ANKFY1: variants seen among roughly 807,000 people sequenced by gnomAD.
The protein encoded by ANKFY1 is ankyrin repeat and FYVE domain containing 1, also known as ankyrin repeat and FYVE domain-containing protein 1.
Under a neutral mutation model 128.3 loss-of-function variants are expected in ANKFY1, and 47 were observed. That is an observed-to-expected ratio of 0.37 (90% CI 0.29 to 0.47). The LOEUF is 0.47. ANKFY1 is among the 20% of genes least tolerant of loss of function. The probability of loss-of-function intolerance (pLI) is 1.00; values close to 1 mark genes in which losing one functional copy is unlikely to be tolerated. For missense variants in ANKFY1, 1,222 were observed against 1,510.6 expected (o/e 0.81, Z 3.17); for synonymous variants, 553 against 601.6 (o/e 0.92, Z 1.18).
chr17:4,182,244 C>A lies in ANKFY1; in HGVS notation c.2058G>T (p.Glu686Asp). Residue 686 changes from glutamate to aspartate, a missense_variant, in exon 15 of 25, where the codon GAG (glutamate) becomes GAT (aspartate). Transcript: ENST00000341657. The part of the protein sequence containing the change: ...TRGADMSVPD[E>D]KGNPPLWLAL... ...CAAGCCACAGCGGGGGGTTCCCCTT[C>A]TCATCTGGCACAGACATGTCAGCTC... The A allele has an allele frequency of 6.3e-7, 1 of 1,586,948 alleles. No homozygotes were observed. The highest frequency in any genetic ancestry group is 8.6e-7 in the Non-Finnish European group (1 of 1,164,810).
intron 15 of ANKFY1, 142 bp downstream of exon 15, chr17:4,182,039 A>T: frequency 1.1e-6 from 1 of 880,730 alleles, no homozygotes; most frequent in Non-Finnish European, 1.6e-6. Context: ...AAGTTTCTTT[A>T]ACATGCTTTC....
chr17:4,173,764 A>G (rs2059365381), intron 20 of ANKFY1, 145 bp downstream of exon 20: 1 of 1,148,720 alleles, frequency 8.7e-7, no homozygotes, highest in Non-Finnish European at 1.2e-6. Context: ...CGCAGGTTGG[A>G]TGCTCTACCC....
chr17:4,180,760 C>CAAA (rs11392631), intron 16 of ANKFY1, among the ~76,000 whole-genome samples: 80 of 57,890 alleles, frequency 1.4e-3, no homozygotes, highest in Non-Finnish European at 1.5e-3. Flanking sequence ...GACTCTGTCT[C>CAAA]AAAAAAAAAA....
chr17:4,206,975 C>G (rs549154996), intron 6 of ANKFY1, among the ~76,000 whole-genome samples: 1 of 152,170 alleles, frequency 6.6e-6, no homozygotes, highest in East Asian at 1.9e-4. Context: ...AATTATCACC[C>G]CCCCCAAAGA....
In ANKFY1 at chr17:4,169,961, G is replaced by A. The variant is rs765034902; in HGVS notation, c.3287-673C>T. Reference sequence around the variant, plus strand: ...TGGGGACGGAGCAGCACGTGAGTCCGTCAGTTCCTTCTGAGTAATGGGATG... The same window carrying A: ...TGGGGACGGAGCAGCACGTGAGTCCATCAGTTCCTTCTGAGTAATGGGATG... On this transcript the variant is annotated intron_variant, in intron 23 of 24. Transcript: ENST00000341657. This position sits in a 1 kb window ranked among gnomAD's most constrained non-coding sequence, Gnocchi z 5.0. Among the ~76,000 whole-genome samples, 40 of 152,210 alleles carry A rather than the reference G, an allele frequency of 2.6e-4. No homozygotes were observed. The highest frequency in any genetic ancestry group is 5.9e-4 in the Admixed American group (9 of 15,284).
At chr17:4,184,197 C>T (rs936599621) in intron 12 of ANKFY1, among the ~76,000 whole-genome samples, 3 of 152,162 alleles carry the variant, frequency 2.0e-5, no homozygotes, top group Non-Finnish European at 4.4e-5. Context: ...ACTAAAACAA[C>T]GCCCTGATGA....
intron 8 of ANKFY1, 152 bp from the exon 9 acceptor site, chr17:4,195,623 C>A (rs2059804256): frequency 2.9e-6 from 2 of 688,028 alleles, no homozygotes; most frequent in Admixed American, 4.7e-5. Flanking sequence ...AGTATCAAAA[C>A]CTGAAAACGG....
intron 24 of ANKFY1, chr17:4,168,133 G>GTTT: frequency 5.7e-6 from 2 of 348,594 alleles, no homozygotes; most frequent in East Asian, 4.6e-5. Context: ...ACTGAAGAAG[G>GTTT]CTTTTTTTTT....
intron 10 of ANKFY1, among the ~76,000 whole-genome samples, chr17:4,192,541 C>G (rs905495464): frequency 2.2e-4 from 34 of 151,374 alleles, no homozygotes; most frequent in African/African-American, 8.0e-4. Flanking sequence ...GATGGTTGCT[C>G]TAATCTGGAG....
chr17:4,208,010 C>T lies in ANKFY1; in HGVS notation c.655G>A (p.Glu219Lys), dbSNP rs1389706863. 1 of 1,611,692 alleles carries T rather than the reference C, an allele frequency of 6.2e-7. No individual in the cohort carries two copies. The highest frequency in any genetic ancestry group is 1.7e-5 in the Admixed American group (1 of 59,610). The change falls in exon 6 of 25, where the codon GAG becomes AAG. Residue 219 changes from glutamate (E) to lysine (K), a missense_variant. Glu to Lys is a moderately conservative substitution (Grantham distance 56). Transcript: ENST00000341657. ...LLYKMIKSKT[E>K]YPLHKAIKVE... ...TTGATGGCTTTATGTAGCGGGTACT[C>T]TGTCTTGGATTTGATCATTTTGTAT...
chr17:4,196,936 A>G (rs1482528058), intron 8 of ANKFY1, among the ~76,000 whole-genome samples: 1 of 152,188 alleles, frequency 6.6e-6, no homozygotes, highest in African/African-American at 2.4e-5. Flanking sequence ...CCTGGACAAC[A>G]TGGCAAAACC....
intron 10 of ANKFY1, among the ~76,000 whole-genome samples, chr17:4,190,044 T>C (rs2143007759): frequency 6.6e-6 from 1 of 152,300 alleles, no homozygotes; most frequent in East Asian, 1.9e-4. Context: ...TCAACAGTGG[T>C]GCTACGGACA....
At chr17:4,246,805 T>C (rs1967566040) in intron 1 of ANKFY1, among the ~76,000 whole-genome samples, 1 of 152,218 alleles carries the variant, frequency 6.6e-6, no homozygotes, top group African/African-American at 2.4e-5. Flanking sequence ...GAGGTGCCTC[T>C]TTTAAGAGTT....
chr17:4,222,007 T>C (rs1454878540), intron 3 of ANKFY1: 1 of 152,148 alleles, frequency 6.6e-6, no homozygotes, highest in Non-Finnish European at 1.5e-5. Context: ...GCTCTGGAGG[T>C]CTGAAGCCGC....
chr17:4,170,350 C>A (rs2059293704), intron 23 of ANKFY1, among the ~76,000 whole-genome samples: 1 of 152,136 alleles, frequency 6.6e-6, no homozygotes, highest in Non-Finnish European at 1.5e-5. Context: ...CTGATAGGGG[C>A]TGGAGCAGCA....
At position 4,178,854 on chromosome 17, in the gene ANKFY1, C is replaced by T. The variant is rs765022669; in HGVS notation, c.2598+3G>A. On this transcript the variant is annotated splice_donor_region_variant and intron_variant, in intron 18 of 24. Transcript: ENST00000341657. The surrounding 1 kb of genome is among the most constrained non-coding windows in gnomAD (Gnocchi z 4.1). ...TGGAGAAGGTCAGGTGTTATTCACT[C>T]ACCTGCTCAGCAGCCCCGGACTCTC... 1.2e-6 allele frequency: 2 copies of T among 1,614,082 alleles called. No individual in the cohort carries two copies. Among genetic ancestry groups the T allele is most frequent in the East Asian group, 4.5e-5 (2 of 44,888 alleles).
intron 1 of ANKFY1, among the ~76,000 whole-genome samples, chr17:4,245,064 T>C (rs1437913329): frequency 6.6e-6 from 1 of 152,178 alleles, no homozygotes; most frequent in Non-Finnish European, 1.5e-5. Context: ...GTTCTCCTCC[T>C]AGACCTCTGA....
chr17:4,235,891 CTGA>C lies in ANKFY1; in HGVS notation c.204-4_204-2del. 2 of 1,604,506 alleles carry C rather than the reference CTGA, an allele frequency of 1.2e-6. No individual in the cohort carries two copies. The highest frequency in any genetic ancestry group is 2.2e-5 in the South Asian group (2 of 90,740). On this transcript the variant is annotated splice_acceptor_variant and splice_polypyrimidine_tract_variant and intron_variant, in intron 2 of 24. Transcript: ENST00000341657. LOFTEE classifies it high-confidence loss of function. ...GTCCCCAACCTTTATCTTCAGATCG[CTGA>C]TGAAGAAAAAGATCCACATATATTA...
At chr17:4,174,741 G>C (rs1387066384) in intron 19 of ANKFY1, among the ~76,000 whole-genome samples, 2 of 151,890 alleles carry the variant, frequency 1.3e-5, no homozygotes, top group East Asian at 3.9e-4. Flanking sequence ...ATTATTTCTT[G>C]AGACAGCAAC....
Sources: gnomAD v4.1 joint callset for allele counts (sites outside exome capture counted in the v4.1 genomes callset) on GRCh38, gnomAD v4.1.1 for gene constraint, Gnocchi (gnomAD v3.1) non-coding constraint, MANE v1.5 for transcripts, NCBI Gene and HGNC (gene_info 2026-07-23, HGNC 2026-07-21) for gene names.